GREB1L: variants seen among roughly 807,000 people sequenced by gnomAD.
GREB1L encodes the protein GREB1-like protein.
In GREB1L, 17 loss-of-function variants were observed where a neutral mutation model predicts 200.8. That is an observed-to-expected ratio of 0.08 (90% confidence interval 0.06 to 0.13). GREB1L has a LOEUF of 0.13. GREB1L is among the 10% of genes least tolerant of loss of function. The pLI, the probability that GREB1L is intolerant of heterozygous loss-of-function variation, is 1.00. For synonymous variants in GREB1L, 789 were observed against 893.0 expected (o/e 0.88, Z 2.08); for missense variants, 1,657 against 2,367.7 (o/e 0.70, Z 6.23).
At chr18:21,431,348 G>T (rs1001299081) in intron 7 of GREB1L, among the ~76,000 whole-genome samples, 7 of 152,024 alleles carry the variant, frequency 4.6e-5, no homozygotes, top group African/African-American at 1.7e-4. Flanking sequence ...TTTTAAAGTT[G>T]TATACAATTT....
chr18:21,456,109 T>C (rs1048880384), intron 15 of GREB1L, among the ~76,000 whole-genome samples: 1 of 152,052 alleles, frequency 6.6e-6, no homozygotes, highest in Non-Finnish European at 1.5e-5. Flanking sequence ...TTTCACTATA[T>C]TGGCCAGGCT....
At chr18:21,287,661 A>G (rs2038379325) in intron 1 of GREB1L, among the ~76,000 whole-genome samples, 1 of 152,188 alleles carries the variant, frequency 6.6e-6, no homozygotes, top group South Asian at 2.1e-4. Flanking sequence ...AATAGTTACC[A>G]TCTTTTCATA....
chr18:21,471,620 CT>C (rs77038675), intron 15 of GREB1L, among the ~76,000 whole-genome samples: 8,993 of 141,496 alleles, frequency 0.064, 564 homozygotes, highest in African/African-American at 0.24. Context: ...TCTTTTGTTT[CT>C]TTTTTTTTTT....
rs2034091568 is a variant in GREB1L, at chr18:21,444,417, A to C, written c.1393+8A>C. 1.3e-6 allele frequency: 2 copies of C among 1,545,970 alleles called. No individual in the cohort carries two copies. Among genetic ancestry groups the C allele is most frequent in the East Asian group, 4.9e-5 (2 of 40,828 alleles). On this transcript the variant is annotated splice_region_variant and intron_variant, in intron 11 of 32. Coordinates refer to ENST00000424526, the MANE Select transcript of GREB1L (RefSeq NM_001142966.3). ...AGTATCTTGTGCGGCTGGGTAAGTC[A>C]TTTTCCATAATCATTTGCTGGTGAC... is the stretch of plus-strand genomic sequence containing the variant.
chr18:21,509,155 CTTG>C (rs1280933234), intron 27 of GREB1L, among the ~76,000 whole-genome samples: 23 of 152,328 alleles, frequency 1.5e-4, no homozygotes, highest in African/African-American at 4.6e-4. Context: ...GGGGGCCAGT[CTTG>C]TTGTATGTAT....
At chr18:21,507,691 A>C (rs1336510697) in intron 25 of GREB1L, among the ~76,000 whole-genome samples, 1 of 152,226 alleles carries the variant, frequency 6.6e-6, no homozygotes, top group Non-Finnish European at 1.5e-5. Context: ...TTTAATGTCA[A>C]ACCTGATATT....
chr18:21,438,422 T>G (rs1313728664), intron 7 of GREB1L, among the ~76,000 whole-genome samples: 6 of 152,086 alleles, frequency 3.9e-5, no homozygotes, highest in African/African-American at 1.2e-4. Context: ...CCCAACACTT[T>G]GGGAAGCCAA....
At chr18:21,406,701 T>C (rs1465773456) in intron 7 of GREB1L, among the ~76,000 whole-genome samples, 2 of 152,188 alleles carry the variant, frequency 1.3e-5, no homozygotes, top group African/African-American at 4.8e-5. Flanking sequence ...TGACTGTCTG[T>C]AATCAACAGT....
At chr18:21,419,193 T>C (rs1365353812) in intron 7 of GREB1L, among the ~76,000 whole-genome samples, 2 of 152,208 alleles carry the variant, frequency 1.3e-5, no homozygotes, top group Non-Finnish European at 2.9e-5. Context: ...AAGTATATTC[T>C]AGAGTTCGCA....
At chr18:21,461,474 G>A (rs764391521) in intron 15 of GREB1L, among the ~76,000 whole-genome samples, 17 of 152,072 alleles carry the variant, frequency 1.1e-4, no homozygotes, top group Non-Finnish European at 2.1e-4. Context: ...GTCACTCCCC[G>A]ACACCTGGCA....
intron 1 of GREB1L, among the ~76,000 whole-genome samples, chr18:21,296,760 T>G (rs914661196): frequency 3.3e-5 from 5 of 152,014 alleles, no homozygotes; most frequent in African/African-American, 1.2e-4. Context: ...GTTCAAGCAG[T>G]TCTCCTGCCT....
intron 25 of GREB1L, 78 bp downstream of exon 25, chr18:21,506,027 A>C: frequency 7.2e-7 from 1 of 1,381,518 alleles, no homozygotes; most frequent in Non-Finnish European, 9.7e-7. Flanking sequence ...GGAGGGATGA[A>C]AAATAAGGCC....
chr18:21,327,596 A>C (rs1409273247), intron 1 of GREB1L, among the ~76,000 whole-genome samples: 1 of 151,334 alleles, frequency 6.6e-6, no homozygotes, highest in African/African-American at 2.4e-5. Flanking sequence ...TGAAAAGCAC[A>C]TTTGATCACA....
chr18:21,329,961 T>G (rs1278181530), intron 1 of GREB1L, among the ~76,000 whole-genome samples: 2 of 107,114 alleles, frequency 1.9e-5, no homozygotes, highest in Non-Finnish European at 4.0e-5. Context: ...CCACAATGGT[T>G]TTTTTTTTGG....
chr18:21,375,889 TCACCACCAC>T (rs955163293), intron 2 of GREB1L, among the ~76,000 whole-genome samples: 6 of 151,764 alleles, frequency 4.0e-5, no homozygotes, highest in African/African-American at 1.5e-4. Context: ...ACCACCACCA[TCACCACCAC>T]CACCACCACC....
rs1467395202 is a variant in GREB1L, at chr18:21,515,514, T to C, written c.4999T>C (p.Leu1667=). The C allele has an allele frequency of 1.3e-6, 2 of 1,551,708 alleles. No individual in the cohort carries two copies. The highest frequency in any genetic ancestry group is 1.7e-4 in the Middle Eastern group (1 of 5,992). Residue 1667 remains leucine (L), a synonymous_variant, in exon 29 of 33, where the codon TTG becomes CTG. Coordinates refer to ENST00000424526, the MANE Select transcript of GREB1L (RefSeq NM_001142966.3). ...ATPKIVHYAI[L]GIQKWSSKLT... ...ACCAAAAATTGTCCACTATGCAATC[T>C]TGGGCATACAGAAATGGAGCAGCAA...
At chr18:21,320,287 G>A (rs2038931677) in intron 1 of GREB1L, among the ~76,000 whole-genome samples, 1 of 152,020 alleles carries the variant, frequency 6.6e-6, no homozygotes, top group Non-Finnish European at 1.5e-5. Context: ...CCTTAGAAGA[G>A]CATATAGAAA....
intron 2 of GREB1L, among the ~76,000 whole-genome samples, chr18:21,373,518 G>A (rs2039960359): frequency 6.6e-6 from 1 of 152,134 alleles, no homozygotes. Flanking sequence ...ATTTTCAGTA[G>A]AGATAGAGTT....
chr18:21,248,766 T>C (rs1449722991), intron 1 of GREB1L, among the ~76,000 whole-genome samples: 1 of 152,220 alleles, frequency 6.6e-6, no homozygotes, highest in African/African-American at 2.4e-5. Context: ...TGTAAATTAG[T>C]TAACATTATA....
Sources: gnomAD v4.1 joint callset for allele counts (sites outside exome capture counted in the v4.1 genomes callset) on GRCh38, gnomAD v4.1.1 for gene constraint, MANE v1.5 for transcripts, NCBI Gene and HGNC (gene_info 2026-07-23, HGNC 2026-07-21) for gene names.